Variants in ANO8 observed in about 807,000 individuals in gnomAD.
ANO8 encodes the protein anoctamin-8.
Under a neutral mutation model 120.4 loss-of-function variants are expected in ANO8, and 67 were observed. The observed-to-expected ratio is 0.56, with a 90% confidence interval of 0.46 to 0.68. ANO8 has a LOEUF of 0.68. Among genes scored for constraint, ANO8 ranks in the 30% least tolerant of loss-of-function variants. The pLI is 0.00. For missense variants in ANO8, 1,526 were observed against 1,737.6 expected (o/e 0.88, Z 2.16); for synonymous variants, 727 against 759.2 (o/e 0.96, Z 0.70).
chr19:17,326,718 C>T (rs533652954), intron 16 of ANO8, among the ~76,000 whole-genome samples: 1 of 152,288 alleles, frequency 6.6e-6, no homozygotes, highest in East Asian at 1.9e-4. Flanking sequence ...GTTCCCTGTG[C>T]AGGCACTGGG....
In ANO8 at chr19:17,328,987, G is replaced by A. The variant is rs1415230213; in HGVS notation, c.1405-4C>T. ...TGATCAGCAGCGTGGCCAGCATCTG[G>A]GGGCAGGAAGGGGAAGGAGAGAGGC... On this transcript the variant is annotated splice_region_variant and splice_polypyrimidine_tract_variant and intron_variant, in intron 12 of 17. Transcript: ENST00000159087. 6.7e-7 allele frequency: 1 copy of A among 1,485,332 alleles called. No homozygotes were observed. Among genetic ancestry groups the A allele is most frequent in the South Asian group, 1.3e-5 (1 of 78,714 alleles). 92.0% of individuals were successfully genotyped at this position (1,485,332 alleles called of 1,614,324 possible). A position where few individuals can be genotyped will look rare whatever the true frequency, so the allele number is the denominator to read the frequency against.
At chr19:17,331,244 C>T (rs1933369450) in intron 6 of ANO8, 29 bp from the exon 7 acceptor site, 2 of 1,614,136 alleles carry the variant, frequency 1.2e-6, no homozygotes, top group Non-Finnish European at 1.7e-6. Flanking sequence ...GTCTCAGTCA[C>T]CCCCTGCCTG....
chr19:17,334,711 C>A lies in ANO8; in HGVS notation c.-41G>T. 1 of 1,333,962 alleles carries A rather than the reference C, an allele frequency of 7.5e-7. No individual in the cohort carries two copies. The highest frequency in any genetic ancestry group is 9.6e-7 in the Non-Finnish European group (1 of 1,041,592). The allele number at this position is 1,333,962 out of a possible 1,614,324, so 82.6% of individuals were successfully genotyped here. A position where few individuals can be genotyped will look rare whatever the true frequency, so the allele number is the denominator to read the frequency against. ...GGTCAGGGGCTACGGACGGCCCGGG[C>A]GACGGGGAGCCGCGGGCTCATGGGG... On this transcript the variant is annotated 5_prime_UTR_variant, in exon 1 of 18. Transcript: ENST00000159087.
At chr19:17,329,884 G>A in intron 11 of ANO8, 53 bp from the exon 12 acceptor site, 2 of 1,613,712 alleles carry the variant, frequency 1.2e-6, no homozygotes, top group South Asian at 1.1e-5. Flanking sequence ...CGACTCCTTG[G>A]AGCCTTCCTT....
At position 17,328,648 on chromosome 19, in the gene ANO8, G is replaced by A; in HGVS notation, c.1740C>T (p.Gly580=). 1 of 1,489,676 alleles carries A rather than the reference G, an allele frequency of 6.7e-7. No individual in the cohort carries two copies. The allele number at this position is 1,489,676 out of a possible 1,614,324, so 92.3% of individuals were successfully genotyped here. A position where few individuals can be genotyped will look rare whatever the true frequency, so the allele number is the denominator to read the frequency against. Residue 580 remains glycine, a synonymous_variant, in exon 13 of 18, where the codon GGC becomes GGT. Transcript: ENST00000159087. ...CCTCGTCGTCCTCGTCCTCCTCCTT[G>A]CCCCCTGGAGGCCCGTCCCCCTCCT... The part of the protein sequence containing the change: ...GGEEGDGPPG[G]KEEDEDDEEE...
Position 17,333,790 on chromosome 19 carries a change from GA to G in ANO8, c.116del (p.Phe39SerfsTer19). The G allele has an allele frequency of 6.3e-7, 1 of 1,597,988 alleles. No homozygotes were observed. The highest frequency in any genetic ancestry group is 8.5e-7 in the Non-Finnish European group (1 of 1,173,604). ...GACCAGCCTGCAGGAGCCGCTTTCC[GA>G]AAAGCTTATCTAGGGGGCGGCGTAG... is the stretch of plus-strand genomic sequence containing the variant. The part of the protein sequence containing the change: ...APASGVLDKL[F>X]GKRLLQAGRY... On this transcript the variant is annotated frameshift_variant, in exon 2 of 18. Transcript: ENST00000159087. LOFTEE classifies it high-confidence loss of function. The surrounding 1 kb of genome is among the most constrained non-coding windows in gnomAD (Gnocchi z 7.2).
chr19:17,329,626 G>A, intron 12 of ANO8, 131 bp downstream of exon 12: 1 of 681,894 alleles, frequency 1.5e-6, no homozygotes, highest in Non-Finnish European at 2.5e-6. Flanking sequence ...GACAACGGAC[G>A]GACAGACAGG....
rs773819494 is a variant in ANO8 at position 17,324,730 on chromosome 19, T to C, written c.3318A>G (p.Glu1106=). The C allele has an allele frequency of 1.3e-6, 2 of 1,524,164 alleles. No homozygotes were observed. The highest frequency in any genetic ancestry group is 1.4e-5 in the African/African-American group (1 of 71,768). The allele number at this position is 1,524,164 out of a possible 1,614,324, so 94.4% of individuals were successfully genotyped here. A position where few individuals can be genotyped will look rare whatever the true frequency, so the allele number is the denominator to read the frequency against. ...AAAGCTTGTGACCTGAGCCTTCCTC[T>C]TCGGGCCGGGGGGCTTCCAGCTCCT... ...LAEELEAPRP[E]EEGSGTALAP... The change falls in exon 17 of 18, where the codon GAA becomes GAG. Residue 1106 remains glutamate, a synonymous_variant. Transcript: ENST00000159087.
intron 16 of ANO8, 46 bp downstream of exon 16, chr19:17,327,189 A>G: frequency 5.5e-6 from 8 of 1,449,170 alleles, no homozygotes; most frequent in Non-Finnish European, 7.5e-6. Context: ...GAGATCCACC[A>G]GCAGCCCCAC....
In ANO8 at chr19:17,334,777, C is replaced by A. The variant is rs2074351062; in HGVS notation, c.-107G>T. 3.5e-6 allele frequency: 4 copies of A among 1,150,094 alleles called. No individual in the cohort carries two copies. The highest frequency in any genetic ancestry group is 3.0e-4 in the Middle Eastern group (1 of 3,302). 71.2% of individuals were successfully genotyped at this position (1,150,094 alleles called of 1,614,324 possible). On this transcript the variant is annotated 5_prime_UTR_variant, in exon 1 of 18. Transcript: ENST00000159087. ...AGCGCGCGGGAGGAGGAGACAAAGG[C>A]CGCGCCCGCCCGCGCCGGCCTCGGT... is the stretch of plus-strand genomic sequence containing the variant.
intron 17 of ANO8, 21 bp from the exon 18 acceptor site, chr19:17,323,905 G>C: frequency 9.0e-7 from 1 of 1,113,788 alleles, no homozygotes; most frequent in African/African-American, 1.7e-5. Context: ...GAGAGGGGCC[G>C]TTCCGGGGGG....
At chr19:17,331,265 C>T (rs780215722) in intron 6 of ANO8, 30 bp downstream of exon 6, 1 of 1,614,174 alleles carries the variant, frequency 6.2e-7, no homozygotes, top group South Asian at 1.1e-5. Flanking sequence ...TCTGCTGGGA[C>T]TCCCTCCCAC....
intron 13 of ANO8, 41 bp downstream of exon 13, chr19:17,328,121 G>GGCGAGGCCCTGCCCCCT: frequency 1.4e-6 from 2 of 1,436,414 alleles, no homozygotes; most frequent in Non-Finnish European, 1.9e-6. Flanking sequence ...TCCCGTCCCC[G>GGCGAGGCCCTGCCCCCT]GCGAGGCCCC....
Position 17,328,164 on chromosome 19 carries a change from CGT to C in ANO8, c.2222_2223del (p.Tyr741Ter), listed in dbSNP as rs2074286551. ...QAELESCMKKYEDTFQDYQEM... is the reference protein window; with the variant it reads ...QAELESCMKKXEDTFQDYQEM... Reference sequence around the variant, plus strand: ...GCGAGGCCCCGCCCCCTCCTCACCTCGTACTTCTTCATACAGCTCTCCAGCTC... The same window carrying C: ...GCGAGGCCCCGCCCCCTCCTCACCTCACTTCTTCATACAGCTCTCCAGCTC... On this transcript the variant is annotated frameshift_variant, in exon 13 of 18. Transcript: ENST00000159087. LOFTEE classifies it high-confidence loss of function. 1 of 1,570,372 alleles carries C rather than the reference CGT, an allele frequency of 6.4e-7. No homozygotes were observed. The highest frequency in any genetic ancestry group is 8.7e-7 in the Non-Finnish European group (1 of 1,154,392).
chr19:17,333,692 G>A lies in ANO8; in HGVS notation c.215C>T (p.Pro72Leu), dbSNP rs367786944. Residue 72 changes from proline (P) to leucine (L), a missense_variant and splice_region_variant, in exon 2 of 18, where the codon CCA becomes CTA. By Grantham distance (98) the Pro-to-Leu change is moderately conservative (BLOSUM62 -3). Around this residue, in one of 8 missense-constraint regions of ANO8, gnomAD observed 322 missense variants for 431.8 expected, o/e 0.75. Coordinates refer to ENST00000159087, the MANE Select transcript of ANO8 (RefSeq NM_020959.3). This position sits in a 1 kb window ranked among gnomAD's most constrained non-coding sequence, Gnocchi z 7.2. The stretch of plus-strand genomic sequence containing the variant: ...GGCGGGCGGGCGGGCTTGGGTACCT[G>A]GGAAGGTCATCAGCACGTCGCAGTT... Reference protein sequence around the residue: ...TENCDVLMTFPDTTDDHTLLW... With the variant: ...TENCDVLMTFLDTTDDHTLLW... The A allele has an allele frequency of 1.5e-5, 24 of 1,592,120 alleles. No individual in the cohort carries two copies. Among genetic ancestry groups the A allele is most frequent in the Non-Finnish European group, 1.8e-5 (21 of 1,171,150 alleles).
At chr19:17,327,659 C>T (rs1167052360) in intron 14 of ANO8, 30 bp downstream of exon 14, 15 of 1,609,528 alleles carry the variant, frequency 9.3e-6, no homozygotes, top group African/African-American at 1.3e-5. Context: ...CCCTCTGGGC[C>T]TCAGCTCGGA....
chr19:17,332,977 T>A lies in ANO8; in HGVS notation c.539A>T (p.Gln180Leu). The A allele has an allele frequency of 6.2e-7, 1 of 1,614,190 alleles. No individual in the cohort carries two copies. The highest frequency in any genetic ancestry group is 8.5e-7 in the Non-Finnish European group (1 of 1,180,048). Residue 180 changes from glutamine to leucine, a missense_variant, in exon 5 of 18, where the codon CAG becomes CTG. Around this residue, in one of 8 missense-constraint regions of ANO8, gnomAD observed 322 missense variants for 431.8 expected, o/e 0.75. Transcript: ENST00000159087. ...GCGCACGTTGTGGAGTGCTTCTCCC[T>A]GCTTGGCACGCAAATTCTGCAGCCA... Reference protein sequence around the residue: ...RFWLQNLRAKQGEALHNVRFL... With the variant: ...RFWLQNLRAKLGEALHNVRFL...
In ANO8 at chr19:17,328,585, C is replaced by CTCCTCCTCGTCCTCCTCT. The variant is rs777378185; in HGVS notation, c.1785_1802dup (p.Glu596_Glu601dup). The CTCCTCCTCGTCCTCCTCT allele has an allele frequency of 1.7e-5, 27 of 1,546,594 alleles. No individual in the cohort carries two copies. The highest frequency in any genetic ancestry group is 4.1e-5 in the African/African-American group (3 of 72,914). On this transcript the variant is annotated inframe_insertion, in exon 13 of 18. Transcript: ENST00000159087. ...AGTCCAGGAGGCCCCCTTCCTCGCCCTCCTCCTCGTCCTCCTCTTCCTCCT... is the reference window on the plus strand; with the variant it reads ...AGTCCAGGAGGCCCCCTTCCTCGCCCTCCTCCTCGTCCTCCTCTTCCTCCTCGTCCTCCTCTTCCTCCT...
At chr19:17,334,525 G>T in intron 1 of ANO8, 40 bp downstream of exon 1, 1 of 1,474,252 alleles carries the variant, frequency 6.8e-7, no homozygotes, top group South Asian at 1.2e-5. Flanking sequence ...GGCTCCCCAG[G>T]CACCTGCAAC....
Sources: gnomAD v4.1 joint callset for allele counts (sites outside exome capture counted in the v4.1 genomes callset) on GRCh38, gnomAD v4.1.1 for gene constraint, gnomAD v4.1.1 regional missense constraint, Gnocchi (gnomAD v3.1) non-coding constraint, MANE v1.5 for transcripts, NCBI Gene and HGNC (gene_info 2026-07-23, HGNC 2026-07-21) for gene names.